The following COPA variants were observed in gnomAD, a reference collection of about 807,000 sequenced individuals.
COPA encodes the protein coatomer subunit alpha.
Under a neutral mutation model 158.7 loss-of-function variants are expected in COPA, and 10 were observed. That is an observed-to-expected ratio of 0.06 (90% CI 0.04 to 0.11). COPA has a LOEUF of 0.11. COPA is among the 10% of genes least tolerant of loss of function. COPA has a pLI of 1.00. For missense variants in COPA, 1,065 were observed against 1,536.7 expected, an observed-to-expected ratio of 0.69 and a Z score of 5.13; for synonymous variants, 462 against 542.8, an observed-to-expected ratio of 0.85 and a Z score of 2.07.
At chr1:160,310,451 GAACA>G (rs1214990041) in intron 11 of COPA, 193 bp from the exon 12 acceptor site, 7 of 394,100 alleles carry the variant, frequency 1.8e-5, no homozygotes, top group African/African-American at 1.3e-4. Context: ...GCTCAGCTTT[GAACA>G]AACAGTTTTA....
At chr1:160,324,375 A>C (rs1659426809) in intron 7 of COPA, among the ~76,000 whole-genome samples, 1 of 146,946 alleles carries the variant, frequency 6.8e-6, no homozygotes, top group Non-Finnish European at 1.5e-5. Flanking sequence ...TTGCTCCCTG[A>C]AGTCTCAAAC....
intron 3 of COPA, among the ~76,000 whole-genome samples, chr1:160,337,806 A>G (rs1040052983): frequency 6.6e-6 from 1 of 151,698 alleles, no homozygotes; most frequent in African/African-American, 2.4e-5. Context: ...ACCAGCTAAT[A>G]AAGAATTCCT....
chr1:160,291,410 G>A lies in COPA; in HGVS notation c.3345C>T (p.Leu1115=). The A allele has an allele frequency of 6.2e-7, 1 of 1,614,112 alleles. No individual in the cohort carries two copies. The highest frequency in any genetic ancestry group is 1.7e-5 in the Admixed American group (1 of 60,022). The change falls in exon 31 of 33, where the codon CTC becomes CTT. Residue 1115 remains leucine, a synonymous_variant. Transcript: ENST00000241704. Reference sequence around the variant, plus strand: ...AGGTGGCAGCTGTCTTGAAGTTCTTGAGCTTGAAGAACAGATTGAGGGCTG... The same window carrying A: ...AGGTGGCAGCTGTCTTGAAGTTCTTAAGCTTGAAGAACAGATTGAGGGCTG... ...LRTALNLFFK[L]KNFKTAATFA... is the part of the protein sequence containing the mutation.
At chr1:160,293,357 C>G in intron 26 of COPA, 29 bp downstream of exon 26, 1 of 1,612,964 alleles carries the variant, frequency 6.2e-7, no homozygotes, top group Non-Finnish European at 8.5e-7. Flanking sequence ...GCCACTCATC[C>G]CTGCCGTGCT....
intron 8 of COPA, among the ~76,000 whole-genome samples, chr1:160,320,792 T>TAAAAA (rs143294298): frequency 9.0e-5 from 8 of 89,188 alleles, no homozygotes; most frequent in Admixed American, 1.3e-4. Context: ...TTCAAACTCT[T>TAAAAA]AAAAAAAAAA....
intron 6 of COPA, chr1:160,326,123 G>A (rs1218375130): frequency 6.2e-6 from 1 of 160,722 alleles, no homozygotes. Context: ...GTCAAGTGCA[G>A]TAGTGAGAAT....
rs746048726 is a variant in COPA at position 160,318,468 on chromosome 1, TAAAAAAAAAAAAAAAAAAAAAAACA to T, written c.707-4368_707-4344del. ...GCTTCATTAAAATAAACAATATTTG[TAAAAAAAAAAAAAAAAAAAAAAACA>T]AAAAAAAAAAAAAAACACTAATGTG... On this transcript the variant is annotated intron_variant, in intron 8 of 32. Transcript: ENST00000241704. 1.2e-3 allele frequency among the ~76,000 whole-genome samples: 19 copies of T among 15,672 alleles called. 2 individuals carry two copies. The South Asian group carries it at 0.023, about 19-fold the overall frequency. The allele number at this position is 15,672 out of a possible 152,430, so 10.3% of individuals were successfully genotyped here. A position where few individuals can be genotyped will look rare whatever the true frequency, so the allele number is the denominator to read the frequency against.
chr1:160,297,432 A>T lies in COPA; in HGVS notation c.2174T>A (p.Ile725Asn). ...ATAGTGGCCACTCATGTCCTTTCTG[A>T]TCTCAGCTGCACCAAGTAAGAGACA... ...KLRKMMKIAEIRKDMSGHYQN... is the reference protein window; with the variant it reads ...KLRKMMKIAENRKDMSGHYQN... Residue 725 changes from isoleucine to asparagine, a missense_variant, in exon 21 of 33, where the codon ATC (isoleucine) becomes AAC (asparagine). Ile to Asn is a moderately radical substitution (Grantham distance 149). Transcript: ENST00000241704. 1 of 1,614,066 alleles carries T rather than the reference A, an allele frequency of 6.2e-7. No homozygotes were observed. The highest frequency in any genetic ancestry group is 8.5e-7 in the Non-Finnish European group (1 of 1,179,996).
intron 30 of COPA, 38 bp downstream of exon 30, chr1:160,291,781 G>A: frequency 1.3e-6 from 2 of 1,585,484 alleles, no homozygotes; most frequent in Non-Finnish European, 1.7e-6. Context: ...GTGAAGGGAA[G>A]GACGTCTCTG....
chr1:160,328,064 C>T (rs958127956), intron 6 of COPA, among the ~76,000 whole-genome samples: 2 of 152,148 alleles, frequency 1.3e-5, no homozygotes, highest in African/African-American at 4.8e-5. Flanking sequence ...TGTCCTCTGT[C>T]CAAGATGAGC....
intron 10 of COPA, 50 bp downstream of exon 10, chr1:160,313,035 C>T: frequency 2.0e-6 from 3 of 1,519,112 alleles, no homozygotes; most frequent in Non-Finnish European, 2.7e-6. Context: ...ACTTTCAAGA[C>T]TTATAAACTT....
chr1:160,327,246 AAACCT>A (rs1647272426), intron 6 of COPA, among the ~76,000 whole-genome samples: 1 of 152,254 alleles, frequency 6.6e-6, no homozygotes, highest in Non-Finnish European at 1.5e-5. Context: ...ATTGAAAATA[AAACCT>A]AAAGGCTGGG....
intron 4 of COPA, among the ~76,000 whole-genome samples, chr1:160,334,848 A>G (rs1176804647): frequency 6.6e-6 from 1 of 152,170 alleles, no homozygotes; most frequent in Non-Finnish European, 1.5e-5. Flanking sequence ...GATTGTTAAT[A>G]CTTCGAAACG....
chr1:160,316,597 A>C (rs984552471), intron 8 of COPA, among the ~76,000 whole-genome samples: 59 of 151,372 alleles, frequency 3.9e-4, no homozygotes, highest in Admixed American at 2.6e-3. Flanking sequence ...CTAAAAATAC[A>C]AAATTAGCCG....
chr1:160,330,146 G>A (rs918701846), intron 6 of COPA, among the ~76,000 whole-genome samples: 3 of 151,552 alleles, frequency 2.0e-5, no homozygotes, highest in African/African-American at 7.3e-5. Flanking sequence ...AATTGCCCCT[G>A]ATCAGCTGGA....
chr1:160,296,549 C>T (rs1010751856), intron 21 of COPA, among the ~76,000 whole-genome samples: 2 of 152,216 alleles, frequency 1.3e-5, no homozygotes, highest in African/African-American at 4.8e-5. Flanking sequence ...AGTAGATTCT[C>T]TCCCCGGTGA....
intron 6 of COPA, 89 bp downstream of exon 6, chr1:160,332,359 A>T: frequency 1.3e-6 from 1 of 747,472 alleles, no homozygotes; most frequent in Non-Finnish European, 2.1e-6. Context: ...TAAATTTTCC[A>T]GTTCTAAGTC....
intron 13 of COPA, among the ~76,000 whole-genome samples, chr1:160,307,728 G>A (rs527541668): frequency 2.0e-5 from 3 of 152,180 alleles, no homozygotes; most frequent in Admixed American, 6.5e-5. Context: ...GGTGCTGGGC[G>A]GTATTTAGAA....
rs1024679471 is a variant in COPA, at chr1:160,343,233, C to T, written c.-63G>A. On this transcript the variant is annotated 5_prime_UTR_variant, in exon 1 of 33. Transcript: ENST00000241704. ...CCGACACACCCTGCTGCCCTTCGGA[C>T]GCCTCCACGTCAGCGACCCTCTCCC... is the stretch of plus-strand genomic sequence containing the variant. 36 of 1,606,488 alleles carry T rather than the reference C, an allele frequency of 2.2e-5. No homozygotes were observed. The highest frequency in any genetic ancestry group is 4.0e-5 in the African/African-American group (3 of 74,776).
Sources: gnomAD v4.1 joint callset for allele counts (sites outside exome capture counted in the v4.1 genomes callset) on GRCh38, gnomAD v4.1.1 for gene constraint, MANE v1.5 for transcripts, NCBI Gene and HGNC (gene_info 2026-07-23, HGNC 2026-07-21) for gene names.